Variants in CACNA2D1 observed in about 807,000 individuals in gnomAD.
CACNA2D1 encodes the protein voltage-dependent calcium channel subunit alpha-2/delta-1.
Under a neutral mutation model 171.5 loss-of-function variants are expected in CACNA2D1, and 53 were observed. That is an observed-to-expected ratio of 0.31 (90% CI 0.25 to 0.39). CACNA2D1 has a LOEUF of 0.39. Among genes scored for constraint, CACNA2D1 ranks in the 10% least tolerant of loss-of-function variants. CACNA2D1 has a pLI of 1.00. For missense variants in CACNA2D1, 903 were observed against 1,299.8 expected (o/e 0.69, Z 4.69); for synonymous variants, 442 against 443.1 (o/e 1.00, Z 0.03).
At chr7:82,282,548 A>T (rs1810248035) in intron 3 of CACNA2D1, among the ~76,000 whole-genome samples, 1 of 152,170 alleles carries the variant, frequency 6.6e-6, no homozygotes, top group Admixed American at 6.5e-5. Flanking sequence ...CTCTTAGCAG[A>T]AGGAGGGCGT....
chr7:82,250,936 C>T (rs1585222522), intron 3 of CACNA2D1, among the ~76,000 whole-genome samples: 1 of 152,202 alleles, frequency 6.6e-6, no homozygotes, highest in East Asian at 1.9e-4. Context: ...TTTTAATAAC[C>T]TTTTCCCATA....
At chr7:81,961,697 AC>A (rs1224095032) in intron 36 of CACNA2D1, among the ~76,000 whole-genome samples, 196 bp downstream of exon 36, 82 of 152,148 alleles carry the variant, frequency 5.4e-4, no homozygotes, top group Admixed American at 2.4e-3. Flanking sequence ...TTTAAAAATT[AC>A]AAATTTTAAA....
At chr7:82,192,465 TGTG>T (rs1798410351) in intron 3 of CACNA2D1, among the ~76,000 whole-genome samples, 1 of 1,678 alleles carries the variant, frequency 6.0e-4, no homozygotes, top group African/African-American at 1.1e-3. Flanking sequence ...TGTGTTTGTG[TGTG>T]TGTGTGTGTG....
intron 4 of CACNA2D1, among the ~76,000 whole-genome samples, chr7:82,159,245 C>G (rs1236841757): frequency 6.6e-6 from 1 of 151,768 alleles, no homozygotes; most frequent in Non-Finnish European, 1.5e-5. Flanking sequence ...AGTAAGAAAG[C>G]AAAAATGGTA....
intron 1 of CACNA2D1, among the ~76,000 whole-genome samples, chr7:82,389,312 A>T (rs1367950202): frequency 6.6e-5 from 10 of 151,726 alleles, no homozygotes; most frequent in African/African-American, 1.5e-4. Context: ...TATTATTTTG[A>T]CTGTTATCTC....
At chr7:82,070,565 A>G (rs2128991323) in intron 7 of CACNA2D1, among the ~76,000 whole-genome samples, 1 of 152,296 alleles carries the variant, frequency 6.6e-6, no homozygotes, top group South Asian at 2.1e-4. Context: ...CATCCAGGAC[A>G]TTGGGCTTGC....
chr7:82,020,130 G>A (rs1419051867), intron 12 of CACNA2D1, among the ~76,000 whole-genome samples: 2 of 152,182 alleles, frequency 1.3e-5, no homozygotes, highest in Admixed American at 1.3e-4. Context: ...CTTGCAGCCT[G>A]CAAAGTTTTG....
At chr7:82,348,774 A>G (rs1342189446) in intron 2 of CACNA2D1, among the ~76,000 whole-genome samples, 2 of 152,150 alleles carry the variant, frequency 1.3e-5, no homozygotes, top group African/African-American at 4.8e-5. Context: ...GACTCATCAC[A>G]TTTTTGGAAA....
intron 3 of CACNA2D1, among the ~76,000 whole-genome samples, chr7:82,186,255 AAAGGAAGGAAGG>A (rs202046885): frequency 9.0e-5 from 10 of 111,424 alleles, no homozygotes; most frequent in South Asian, 6.9e-4. Context: ...AGGAAGGAAG[AAAGGAAGGAAGG>A]AAGGAAGGAA....
intron 1 of CACNA2D1, among the ~76,000 whole-genome samples, chr7:82,430,466 A>G (rs1419950257): frequency 6.6e-6 from 1 of 151,726 alleles, no homozygotes; most frequent in Non-Finnish European, 1.5e-5. Flanking sequence ...TGCTGCTTCA[A>G]TGGTTATCAT....
intron 3 of CACNA2D1, among the ~76,000 whole-genome samples, chr7:82,246,702 G>C (rs1250636121): frequency 6.6e-6 from 1 of 152,096 alleles, no homozygotes; most frequent in African/African-American, 2.4e-5. Context: ...TTCTGTAAAA[G>C]TGTTTTACAC....
intron 3 of CACNA2D1, among the ~76,000 whole-genome samples, chr7:82,266,757 T>C (rs1224834642): frequency 6.6e-6 from 1 of 152,180 alleles, no homozygotes; most frequent in African/African-American, 2.4e-5. Flanking sequence ...CCTCAGGTGA[T>C]CCGCCCACCT....
chr7:82,180,321 T>C (rs979068510), intron 3 of CACNA2D1, among the ~76,000 whole-genome samples: 1 of 152,168 alleles, frequency 6.6e-6, no homozygotes, highest in African/African-American at 2.4e-5. Flanking sequence ...TACCATTGCA[T>C]ACACCATAGG....
At chr7:82,221,586 A>C (rs1417311966) in intron 3 of CACNA2D1, among the ~76,000 whole-genome samples, 1 of 152,026 alleles carries the variant, frequency 6.6e-6, no homozygotes, top group Admixed American at 6.6e-5. Flanking sequence ...CTCTATTAAA[A>C]ATACAAAAAA....
At chr7:81,998,976 ACAC>A in intron 18 of CACNA2D1, among the ~76,000 whole-genome samples, 1 of 152,206 alleles carries the variant, frequency 6.6e-6, no homozygotes, top group African/African-American at 2.4e-5. Flanking sequence ...CCTCACACAA[ACAC>A]CATCATATCA....
chr7:81,972,849 T>A (rs1795430409), intron 25 of CACNA2D1, among the ~76,000 whole-genome samples: 1 of 151,990 alleles, frequency 6.6e-6, no homozygotes, highest in Admixed American at 6.6e-5. Flanking sequence ...TTTTGTTGCT[T>A]TTAATTATTT....
chr7:82,014,691 TA>T (rs1260539133), intron 12 of CACNA2D1, among the ~76,000 whole-genome samples: 2 of 152,188 alleles, frequency 1.3e-5, no homozygotes, highest in Admixed American at 1.3e-4. Flanking sequence ...TTTAAATTTG[TA>T]CCTGAGTGTC....
At chr7:82,404,332 G>A (rs942200357) in intron 1 of CACNA2D1, among the ~76,000 whole-genome samples, 3 of 152,154 alleles carry the variant, frequency 2.0e-5, no homozygotes, top group African/African-American at 7.2e-5. Flanking sequence ...TCTGTAGTAG[G>A]GACAAAGGTC....
chr7:82,083,576 TAAAC>T (rs1411520164), intron 7 of CACNA2D1, among the ~76,000 whole-genome samples: 1 of 152,130 alleles, frequency 6.6e-6, no homozygotes, highest in African/African-American at 2.4e-5. Context: ...ATTATAATGA[TAAAC>T]TATGTAATAT....
Sources: allele counts gnomAD v4.1 joint callset (sites outside exome capture counted in the v4.1 genomes callset), GRCh38; gene constraint gnomAD v4.1.1; transcripts MANE v1.5; gene names NCBI Gene and HGNC (gene_info 2026-07-23, HGNC 2026-07-21).